Variants in MAP3K1 observed in about 807,000 individuals in gnomAD.
The protein encoded by MAP3K1 is MAP/ERK kinase kinase 1.
In MAP3K1, 36 loss-of-function variants were observed where a neutral mutation model predicts 144.2. The observed-to-expected ratio is 0.25, with a 90% CI of 0.19 to 0.33. The LOEUF is 0.33. MAP3K1 is among the 10% of genes least tolerant of loss of function. The pLI is 1.00. For synonymous variants in MAP3K1, 718 were observed against 688.7 expected (o/e 1.04, Z -0.67); for missense variants, 1,650 against 1,881.9 (o/e 0.88, Z 2.28).
chr5:56,885,366 G>A (rs1233889655), intron 16 of MAP3K1, among the ~76,000 whole-genome samples: 1 of 140,444 alleles, frequency 7.1e-6, no homozygotes, highest in Non-Finnish European at 1.6e-5. Context: ...GTATTTAAGA[G>A]TGCATTTCTC....
rs1377108587 is a variant in MAP3K1, at chr5:56,896,067, A to AT, written c.*2392dup. The AT allele has an allele frequency of 1.8e-5, 4 of 228,488 alleles. No homozygotes were observed. The East Asian group carries it at 1.9e-4, about 11-fold the overall frequency. 14.2% of individuals were successfully genotyped at this position (228,488 alleles called of 1,614,324 possible). A position where few individuals can be genotyped will look rare whatever the true frequency, so the allele number is the denominator to read the frequency against. ...AATATATTGAGATATTTTAATTAAAATTTTTACCCCATTGAACCGATTTTA... is the reference window on the plus strand; with the variant it reads ...AATATATTGAGATATTTTAATTAAAATTTTTTACCCCATTGAACCGATTTTA... On this transcript the variant is annotated 3_prime_UTR_variant, in exon 20 of 20. Transcript: ENST00000399503.
rs781612069 is a variant in MAP3K1 at position 56,881,224 on chromosome 5, C to G, written c.2321C>G (p.Pro774Arg). 3.4e-5 allele frequency: 55 copies of G among 1,613,666 alleles called. No homozygotes were observed. Among genetic ancestry groups the G allele is most frequent in the Non-Finnish European group, 4.3e-5 (51 of 1,179,884 alleles). The stretch of plus-strand genomic sequence containing the variant: ...TTGGAATTTCCTGCTGAATTTTATC[C>G]TCATATTGTCAGTACTGATGTTTCA... The part of the protein sequence containing the change: ...LLLEFPAEFY[P>R]HIVSTDVSQA... The change falls in exon 13 of 20, where the codon CCT becomes CGT. Residue 774 changes from proline to arginine, a missense_variant. Coordinates refer to ENST00000399503, the MANE Select transcript of MAP3K1 (RefSeq NM_005921.2).
rs1747873398 is a variant in MAP3K1, at chr5:56,872,165, C to T, written c.1423+134C>T. On this transcript the variant is annotated intron_variant, in intron 7 of 19. Coordinates refer to ENST00000399503, the MANE Select transcript of MAP3K1 (RefSeq NM_005921.2). ...AAAAAGTATATCTAAGTCCTAAGTC[C>T]TATGTGAAAAGTTTTCAACAAATGG... The T allele has an allele frequency of 3.4e-6, 4 of 1,175,252 alleles. No individual in the cohort carries two copies. In the South Asian group the frequency reaches 3.9e-5, roughly 11 times the overall value. 72.8% of individuals were successfully genotyped at this position (1,175,252 alleles called of 1,614,324 possible). A position where few individuals can be genotyped will look rare whatever the true frequency, so the allele number is the denominator to read the frequency against.
intron 1 of MAP3K1, chr5:56,841,907 G>A (rs1257562393): frequency 6.6e-6 from 1 of 152,192 alleles, no homozygotes; most frequent in Non-Finnish European, 1.5e-5. Flanking sequence ...GTGTGGAGTA[G>A]TAGTTCAGTG....
intron 1 of MAP3K1, among the ~76,000 whole-genome samples, chr5:56,840,057 T>C (rs1043142345): frequency 6.6e-6 from 1 of 152,238 alleles, no homozygotes; most frequent in Non-Finnish European, 1.5e-5. Context: ...TGGCCTATGG[T>C]AAAGTTGGTT....
chr5:56,886,205 A>G (rs1263086098), intron 17 of MAP3K1, 142 bp downstream of exon 17: 3 of 658,418 alleles, frequency 4.6e-6, no homozygotes, highest in Non-Finnish European at 5.4e-6. Context: ...GGAGCTCGAG[A>G]CCAGCCAGGC....
intron 10 of MAP3K1, among the ~76,000 whole-genome samples, chr5:56,877,444 C>T (rs1748072980): frequency 6.6e-6 from 1 of 151,914 alleles, no homozygotes; most frequent in Non-Finnish European, 1.5e-5. Flanking sequence ...GCTGTTAAGG[C>T]TCACCCTTTC....
chr5:56,887,578 AT>A, intron 18 of MAP3K1, 58 bp downstream of exon 18: 1 of 1,566,418 alleles, frequency 6.4e-7, no homozygotes, highest in Non-Finnish European at 8.8e-7. Flanking sequence ...GTGTAACAGC[AT>A]TATACTAAAT....
intron 1 of MAP3K1, among the ~76,000 whole-genome samples, chr5:56,833,188 T>C (rs768985838): frequency 3.3e-5 from 5 of 152,224 alleles, no homozygotes; most frequent in African/African-American, 4.8e-5. Context: ...TTTGTTTTTA[T>C]ATGAAGTTCT....
rs767098717 is a variant in MAP3K1 at position 56,864,802 on chromosome 5, T to C, written c.903T>C (p.Pro301=). The C allele has an allele frequency of 1.3e-5, 21 of 1,613,982 alleles. No homozygotes were observed. The highest frequency in any genetic ancestry group is 7.6e-6 in the Non-Finnish European group (9 of 1,180,022). Residue 301 remains proline (P), a synonymous_variant, in exon 4 of 20, where the codon CCT becomes CCC. Coordinates refer to ENST00000399503, the MANE Select transcript of MAP3K1 (RefSeq NM_005921.2). The stretch of plus-strand genomic sequence containing the variant: ...CAGATGGCTTCTCACCATATAGCCC[T>C]GAGGAAACAAACCGCCGTGTTAACA... ...PSPDGFSPYS[P]EETNRRVNKV... is the part of the protein sequence containing the mutation.
In MAP3K1 at chr5:56,815,824, CG is replaced by C; in HGVS notation, c.252del (p.Pro85ArgfsTer100). The C allele has an allele frequency of 7.1e-7, 1 of 1,417,498 alleles. No individual in the cohort carries two copies. Among genetic ancestry groups the C allele is most frequent in the Non-Finnish European group, 9.2e-7 (1 of 1,082,134 alleles). The allele number at this position is 1,417,498 out of a possible 1,614,324, so 87.8% of individuals were successfully genotyped here. ...CAGCCGCTCTTCCTTGCCGCCTCAC[CG>C]CCGGCCTCCTCGACTTCCCCGTCGC... ...PEQPLFLAAS[P>X]PASSTSPSPE... On this transcript the variant is annotated frameshift_variant, in exon 1 of 20. Transcript: ENST00000399503. LOFTEE classifies it high-confidence loss of function.
intron 1 of MAP3K1, chr5:56,820,816 G>A (rs1581203443): frequency 8.1e-6 from 8 of 984,922 alleles, no homozygotes; most frequent in Non-Finnish European, 9.6e-6. Context: ...TGTTTCTGTC[G>A]GTAGGTTGTA....
At chr5:56,860,441 A>T (rs1747472390) in intron 3 of MAP3K1, among the ~76,000 whole-genome samples, 1 of 152,222 alleles carries the variant, frequency 6.6e-6, no homozygotes, top group Middle Eastern at 3.2e-3. Context: ...TGCAAGCTGA[A>T]CTAGTTATTT....
intron 18 of MAP3K1, 94 bp from the exon 19 acceptor site, chr5:56,888,132 C>G (rs1380565274): frequency 8.8e-7 from 1 of 1,137,910 alleles, no homozygotes; most frequent in Non-Finnish European, 1.3e-6. Context: ...TACCAGTTTT[C>G]TCCCTAAAGT....
chr5:56,832,518 A>G (rs1371472295), intron 1 of MAP3K1, among the ~76,000 whole-genome samples: 2 of 152,232 alleles, frequency 1.3e-5, no homozygotes, highest in Admixed American at 6.5e-5. Flanking sequence ...CCCATTTTAC[A>G]TATGAGAAAT....
At chr5:56,833,372 T>C (rs569856802) in intron 1 of MAP3K1, among the ~76,000 whole-genome samples, 17 of 152,324 alleles carry the variant, frequency 1.1e-4, no homozygotes, top group African/African-American at 4.1e-4. Context: ...AAAGCAGTAA[T>C]TGTTAACACT....
At chr5:56,854,432 CAAAAA>C (rs10647091) in intron 1 of MAP3K1, among the ~76,000 whole-genome samples, 10 of 85,298 alleles carry the variant, frequency 1.2e-4, no homozygotes, top group African/African-American at 3.0e-4. Context: ...AACTCCATCT[CAAAAA>C]AAAAAAAAAA....
chr5:56,825,491 TCTCCAGGATAGTTC>T (rs1179096280), intron 1 of MAP3K1, among the ~76,000 whole-genome samples: 1 of 152,158 alleles, frequency 6.6e-6, no homozygotes, highest in Non-Finnish European at 1.5e-5. Flanking sequence ...CATACAACTT[TCTCCAGGATAGTTC>T]CTCCAGGAGG....
chr5:56,863,136 A>G (rs1448513028), intron 3 of MAP3K1, among the ~76,000 whole-genome samples: 3 of 152,228 alleles, frequency 2.0e-5, no homozygotes, highest in African/African-American at 7.2e-5. Context: ...GTAGCCAATC[A>G]GCTGATTCCT....
Sources: gnomAD v4.1 joint callset for allele counts (sites outside exome capture counted in the v4.1 genomes callset) on GRCh38, gnomAD v4.1.1 for gene constraint, MANE v1.5 for transcripts, NCBI Gene and HGNC (gene_info 2026-07-23, HGNC 2026-07-21) for gene names.